Variants in PHC3 observed in about 807,000 individuals in gnomAD.
PHC3 encodes the protein polyhomeotic-like protein 3.
Under a neutral mutation model 107.4 loss-of-function variants are expected in PHC3, and 13 were observed. That is an observed-to-expected ratio of 0.12 (90% CI 0.08 to 0.19). PHC3 has a LOEUF of 0.19. PHC3 is among the 10% of genes least tolerant of loss of function. The probability of loss-of-function intolerance (pLI) is 1.00; values close to 1 mark genes in which losing one functional copy is unlikely to be tolerated. For missense variants in PHC3, 992 were observed against 1,210.9 expected (o/e 0.82, Z 2.68); for synonymous variants, 456 against 427.4 (o/e 1.07, Z -0.83).
chr3:170,150,077 C>T (rs1359201800), intron 4 of PHC3: 1 of 152,006 alleles, frequency 6.6e-6, no homozygotes, highest in Non-Finnish European at 1.5e-5. Context: ...ACCCTGTATC[C>T]CATAAATATG....
At chr3:170,112,694 T>C (rs1718071328) in intron 11 of PHC3, among the ~76,000 whole-genome samples, 1 of 151,638 alleles carries the variant, frequency 6.6e-6, no homozygotes, top group Non-Finnish European at 1.5e-5. Flanking sequence ...TGGCTAATTT[T>C]TGTATTTTTA....
In PHC3 at chr3:170,136,747, G is replaced by A. The variant is rs773441565; in HGVS notation, c.673-82C>T. 138 of 1,395,162 alleles carry A rather than the reference G, an allele frequency of 9.9e-5. 1 individual carries two copies. Among genetic ancestry groups the A allele is most frequent in the Non-Finnish European group, 1.3e-4 (134 of 1,013,508 alleles). 86.4% of individuals were successfully genotyped at this position (1,395,162 alleles called of 1,614,324 possible). A position where few individuals can be genotyped will look rare whatever the true frequency, so the allele number is the denominator to read the frequency against. ...TCATCATTACCATTATGACAATACT[G>A]ACAACACATTTATATTATGCTTTTC... On this transcript the variant is annotated intron_variant, in intron 6 of 14. Coordinates refer to ENST00000495893, the MANE Select transcript of PHC3 (RefSeq NM_024947.4).
intron 12 of PHC3, among the ~76,000 whole-genome samples, chr3:170,105,009 CT>C (rs569064511): frequency 6.1e-4 from 93 of 152,300 alleles, no homozygotes; most frequent in Non-Finnish European, 1.1e-3. Flanking sequence ...CTTCCCTGAC[CT>C]AATCTACCCT....
intron 7 of PHC3, 141 bp from the exon 8 acceptor site, chr3:170,129,693 G>A (rs1721929340): frequency 1.9e-5 from 15 of 799,040 alleles, no homozygotes; most frequent in South Asian, 4.7e-5. Context: ...AGAGTAATTT[G>A]AAAAAAAAAA....
chr3:170,174,252 T>C (rs539629372), intron 2 of PHC3, among the ~76,000 whole-genome samples: 1 of 152,124 alleles, frequency 6.6e-6, no homozygotes, highest in South Asian at 2.1e-4. Context: ...ATTTCTTCTT[T>C]AGAAAATTAC....
chr3:170,179,429 C>T (rs1731038878), intron 1 of PHC3, among the ~76,000 whole-genome samples: 1 of 152,150 alleles, frequency 6.6e-6, no homozygotes, highest in Admixed American at 6.6e-5. Flanking sequence ...ATAAACTTTG[C>T]TTAAAAATAA....
At chr3:170,102,210 G>A in intron 14 of PHC3, 1 of 985,382 alleles carries the variant, frequency 1.0e-6, no homozygotes, top group Non-Finnish European at 1.2e-6. Flanking sequence ...AGAGAAGAAA[G>A]CACCTTTAAT....
chr3:170,120,789 T>A (rs576738881), intron 9 of PHC3, among the ~76,000 whole-genome samples: 2 of 152,328 alleles, frequency 1.3e-5, no homozygotes, highest in Admixed American at 1.3e-4. Context: ...AAGGGTTGCC[T>A]GGACGGCAGA....
chr3:170,128,263 T>G lies in PHC3; in HGVS notation c.1788+421A>C, dbSNP rs1721674095. 1.7e-5 allele frequency: 15 copies of G among 884,106 alleles called. No individual in the cohort carries two copies. The South Asian group carries it at 2.3e-4, about 14-fold the overall frequency. 54.8% of individuals were successfully genotyped at this position (884,106 alleles called of 1,614,324 possible). A position where few individuals can be genotyped will look rare whatever the true frequency, so the allele number is the denominator to read the frequency against. On this transcript the variant is annotated intron_variant, in intron 8 of 14. Coordinates refer to ENST00000495893, the MANE Select transcript of PHC3 (RefSeq NM_024947.4). ...CCCAAGACTCTAGGATGCATAAAACTAAAAGGGTTAGGCTAGATAAACCAT... is the reference window on the plus strand; with the variant it reads ...CCCAAGACTCTAGGATGCATAAAACGAAAAGGGTTAGGCTAGATAAACCAT...
At chr3:170,175,032 T>C (rs770209283) in intron 2 of PHC3, among the ~76,000 whole-genome samples, 1 of 152,216 alleles carries the variant, frequency 6.6e-6, no homozygotes, top group Non-Finnish European at 1.5e-5. Context: ...CTTTCACTAC[T>C]ATTCAATTAC....
chr3:170,111,934 T>C (rs1041089469), intron 11 of PHC3, among the ~76,000 whole-genome samples: 3 of 152,330 alleles, frequency 2.0e-5, no homozygotes, highest in Admixed American at 2.0e-4. Flanking sequence ...AATATACTAA[T>C]ACATTGAGGA....
At chr3:170,138,651 C>T (rs1186867016) in intron 6 of PHC3, among the ~76,000 whole-genome samples, 1 of 141,184 alleles carries the variant, frequency 7.1e-6, no homozygotes, top group African/African-American at 2.7e-5. Flanking sequence ...GATCACACCA[C>T]TGCACTCCAG....
At chr3:170,126,468 T>C (rs573854233) in intron 8 of PHC3, among the ~76,000 whole-genome samples, 3 of 148,348 alleles carry the variant, frequency 2.0e-5, no homozygotes, top group African/African-American at 7.4e-5. Flanking sequence ...AACAAAATAT[T>C]TTTGGCTTTA....
chr3:170,136,793 T>C (rs548266215), intron 6 of PHC3, 128 bp from the exon 7 acceptor site: 2 of 938,560 alleles, frequency 2.1e-6, no homozygotes, highest in East Asian at 2.9e-5. Flanking sequence ...CTCCAAGCAC[T>C]TGAAAGAACT....
intron 10 of PHC3, 70 bp downstream of exon 10, chr3:170,117,156 A>T (rs1370579010): frequency 6.4e-7 from 1 of 1,564,808 alleles, no homozygotes; most frequent in Non-Finnish European, 8.8e-7. Context: ...ATTAGAGAAC[A>T]GTAATATGTA....
chr3:170,132,446 C>T (rs758751989), intron 7 of PHC3, among the ~76,000 whole-genome samples: 9 of 152,118 alleles, frequency 5.9e-5, no homozygotes, highest in African/African-American at 1.7e-4. Context: ...AGCCCTAACT[C>T]CCAATGTGTA....
chr3:170,169,625 T>C (rs1012793186), intron 4 of PHC3: 2 of 152,250 alleles, frequency 1.3e-5, no homozygotes, highest in African/African-American at 2.4e-5. Context: ...GCTGCTGGTT[T>C]ATGACAAGTA....
At chr3:170,169,186 T>TC (rs1292229406) in intron 4 of PHC3, among the ~76,000 whole-genome samples, 1 of 152,176 alleles carries the variant, frequency 6.6e-6, no homozygotes, top group African/African-American at 2.4e-5. Flanking sequence ...AAAATAATAT[T>TC]CCATTTCCCC....
rs1001960698 is a variant in PHC3 at position 170,172,701 on chromosome 3, C to T, written c.192G>A (p.Gln64=). Residue 64 remains glutamine (Q), a synonymous_variant, in exon 3 of 15, where the codon CAG becomes CAA. Transcript: ENST00000495893. The part of the protein sequence containing the change: ...SDRHAVQVIQ[Q]ALHRPPSSAA... Reference sequence around the variant, plus strand: ...CTGAGCTGGGGGGCCGATGCAATGCCTGTTGAATTACCTGTGATAAGTCAA... The same window carrying T: ...CTGAGCTGGGGGGCCGATGCAATGCTTGTTGAATTACCTGTGATAAGTCAA... The T allele has an allele frequency of 6.9e-6, 11 of 1,604,610 alleles. No homozygotes were observed. The African/African-American group carries it at 1.1e-4, about 16-fold the overall frequency.
Sources: gnomAD v4.1 joint callset for allele counts (sites outside exome capture counted in the v4.1 genomes callset) on GRCh38, gnomAD v4.1.1 for gene constraint, MANE v1.5 for transcripts, NCBI Gene and HGNC (gene_info 2026-07-23, HGNC 2026-07-21) for gene names.